LRRC3B: variants seen among roughly 807,000 people sequenced by gnomAD.
The protein encoded by LRRC3B is leucine rich repeat containing 3B.
Under a neutral mutation model 12.8 loss-of-function variants are expected in LRRC3B, and 2 were observed. That is an observed-to-expected ratio of 0.16 (90% confidence interval 0.06 to 0.49). The LOEUF (loss-of-function observed/expected upper bound fraction) is 0.49. Ranked by LOEUF, LRRC3B falls within the 20% of genes least tolerant of loss-of-function variation. The pLI, the probability that LRRC3B is intolerant of heterozygous loss-of-function variation, is 0.96. For synonymous variants in LRRC3B, 132 were observed against 122.0 expected (o/e 1.08, Z -0.54); for missense variants, 189 against 319.4 (o/e 0.59, Z 3.11).
chr3:26,669,461 CA>C (rs925299926), intron 1 of LRRC3B, among the ~76,000 whole-genome samples: 2 of 152,058 alleles, frequency 1.3e-5, no homozygotes, highest in African/African-American at 4.8e-5. Context: ...ATTCTTCAAG[CA>C]AAAATATTGT....
At chr3:26,651,075 G>C (rs532648707) in intron 1 of LRRC3B, among the ~76,000 whole-genome samples, 1 of 152,298 alleles carries the variant, frequency 6.6e-6, no homozygotes, top group South Asian at 2.1e-4. Flanking sequence ...ATTTTGTTTG[G>C]TGAGCGCACA....
chr3:26,667,337 C>T (rs1211055806), intron 1 of LRRC3B, among the ~76,000 whole-genome samples: 2 of 152,144 alleles, frequency 1.3e-5, no homozygotes, highest in Non-Finnish European at 2.9e-5. Context: ...AAGCTCCATA[C>T]CTCCTTTAAG....
chr3:26,695,332 C>A (rs1700286630), intron 1 of LRRC3B, among the ~76,000 whole-genome samples: 1 of 152,132 alleles, frequency 6.6e-6, no homozygotes, highest in South Asian at 2.1e-4. Context: ...TCGAGACCAT[C>A]CTGGCTAACA....
At chr3:26,709,704 C>G in exon 2 of LRRC3B, 1 of 1,614,010 alleles carries the variant, frequency 6.2e-7, no homozygotes, top group Non-Finnish European at 8.5e-7. Flanking sequence ...TTAACCCGTT[C>G]CCTCTCCATG....
chr3:26,681,063 T>C (rs1237071972), intron 1 of LRRC3B, among the ~76,000 whole-genome samples: 2 of 152,210 alleles, frequency 1.3e-5, no homozygotes, highest in African/African-American at 4.8e-5. Context: ...GAGTAGGCTT[T>C]TTAAAAAAGT....
chr3:26,707,484 T>C (rs1299844033), intron 1 of LRRC3B, among the ~76,000 whole-genome samples: 1 of 152,192 alleles, frequency 6.6e-6, no homozygotes, highest in South Asian at 2.1e-4. Context: ...TCTGCTGTCA[T>C]GGAGCTTGTA....
At chr3:26,641,589 A>G (rs972695698) in intron 1 of LRRC3B, among the ~76,000 whole-genome samples, 3 of 152,134 alleles carry the variant, frequency 2.0e-5, no homozygotes, top group African/African-American at 7.2e-5. Context: ...CCCGAGCTGG[A>G]AGTGGCAGGA....
intron 1 of LRRC3B, among the ~76,000 whole-genome samples, chr3:26,652,325 C>A (rs1477038085): frequency 2.0e-5 from 3 of 152,208 alleles, no homozygotes; most frequent in African/African-American, 7.2e-5. Flanking sequence ...TTTATGGGAT[C>A]CTCTCCCGTT....
At chr3:26,693,021 G>T (rs944496842) in intron 1 of LRRC3B, among the ~76,000 whole-genome samples, 8 of 152,144 alleles carry the variant, frequency 5.3e-5, no homozygotes, top group African/African-American at 1.9e-4. Flanking sequence ...TCACATGATG[G>T]CTGGGCAGGG....
At chr3:26,679,343 T>A (rs1435172177) in intron 1 of LRRC3B, among the ~76,000 whole-genome samples, 1 of 152,188 alleles carries the variant, frequency 6.6e-6, no homozygotes, top group Non-Finnish European at 1.5e-5. Flanking sequence ...GGCATAGTAT[T>A]TGAGATCTCC....
intron 1 of LRRC3B, among the ~76,000 whole-genome samples, chr3:26,671,348 G>GTATATATATATATATATATATGTA (rs1559361621): frequency 1.5e-5 from 1 of 66,344 alleles, no homozygotes; most frequent in African/African-American, 6.2e-5. Flanking sequence ...GTATATATGT[G>GTATATATATATATATATATATGTA]TGTATATATA....
chr3:26,674,818 C>T (rs1428156699), intron 1 of LRRC3B, among the ~76,000 whole-genome samples: 1 of 151,924 alleles, frequency 6.6e-6, no homozygotes, highest in African/African-American at 2.4e-5. Flanking sequence ...CTTCTTCTCC[C>T]ATGTTTTCCT....
chr3:26,699,374 T>G (rs1263364133), intron 1 of LRRC3B, among the ~76,000 whole-genome samples: 1 of 152,116 alleles, frequency 6.6e-6, no homozygotes, highest in Non-Finnish European at 1.5e-5. Context: ...ACCAATGAGG[T>G]GGATATTATT....
intron 1 of LRRC3B, among the ~76,000 whole-genome samples, chr3:26,673,405 A>T (rs1051530917): frequency 2.0e-5 from 3 of 152,206 alleles, no homozygotes; most frequent in Non-Finnish European, 4.4e-5. Flanking sequence ...AGAAAAAAAT[A>T]GCACCAAGGT....
At chr3:26,639,380 T>C (rs753687558) in intron 1 of LRRC3B, among the ~76,000 whole-genome samples, 6 of 152,122 alleles carry the variant, frequency 3.9e-5, no homozygotes, top group Non-Finnish European at 4.4e-5. Context: ...ACTTGACCTA[T>C]ATTTAGAGTT....
At chr3:26,695,650 G>A (rs549543370) in intron 1 of LRRC3B, among the ~76,000 whole-genome samples, 2 of 152,218 alleles carry the variant, frequency 1.3e-5, no homozygotes, top group African/African-American at 4.8e-5. Context: ...ACACATAAAG[G>A]GCATTATTTT....
intron 1 of LRRC3B, among the ~76,000 whole-genome samples, chr3:26,674,880 C>G (rs1296814683): frequency 6.6e-6 from 1 of 152,104 alleles, no homozygotes; most frequent in Non-Finnish European, 1.5e-5. Context: ...AGACCAGGGC[C>G]TGTCTATGGT....
chr3:26,652,800 T>G, intron 1 of LRRC3B, among the ~76,000 whole-genome samples: 1 of 152,168 alleles, frequency 6.6e-6, no homozygotes. Context: ...TTCTAACAGT[T>G]ATAACAGCAC....
chr3:26,646,338 A>C (rs1699143393), intron 1 of LRRC3B, among the ~76,000 whole-genome samples: 1 of 152,180 alleles, frequency 6.6e-6, no homozygotes, highest in African/African-American at 2.4e-5. Flanking sequence ...ATTCATGTAA[A>C]AGCAGTGAGA....
Sources: allele counts gnomAD v4.1 joint callset (sites outside exome capture counted in the v4.1 genomes callset), GRCh38; gene constraint gnomAD v4.1.1; transcripts MANE v1.5; gene names NCBI Gene and HGNC (gene_info 2026-07-23, HGNC 2026-07-21).